GAREM2: variants seen among roughly 807,000 people sequenced by gnomAD.
GAREM2 encodes GRB2 associated regulator of MAPK1 subtype 2.
GAREM2 carries 30 observed loss-of-function variants against 55.6 expected under a neutral mutation model. The ratio of observed to expected loss-of-function variants is 0.54; its 90% CI spans 0.40 to 0.73. The LOEUF is 0.73. Among genes scored for constraint, GAREM2 ranks in the 30% least tolerant of loss-of-function variants. The probability of loss-of-function intolerance (pLI) is 0.00; values close to 1 mark genes in which losing one functional copy is unlikely to be tolerated. For synonymous variants in GAREM2, 550 were observed against 569.1 expected (o/e 0.97, Z 0.48); for missense variants, 1,075 against 1,257.7 (o/e 0.85, Z 2.20).
chr2:26,195,271 C>T, the GAREM2 span: 44 of 1,578,922 alleles, frequency 2.8e-5, no homozygotes, highest in South Asian at 2.4e-4. Context: ...TCGGAGAATG[C>T]GGGTGAGGAA....
rs373270167 is a variant in GAREM2 at position 26,176,411 on chromosome 2, G to A, written c.180G>A (p.Thr60=). ...LLIHSCRQWT[T]VTAHTLEEGH... is the part of the protein sequence containing the mutation. Reference sequence around the variant, plus strand: ...TCCACTCCTGCCGGCAGTGGACAACGGTGACAGCTCATACCCTGGAGGAGG... The same window carrying A: ...TCCACTCCTGCCGGCAGTGGACAACAGTGACAGCTCATACCCTGGAGGAGG... Residue 60 remains threonine (T), a synonymous_variant, in exon 2 of 6, where the codon ACG becomes ACA. Transcript: ENST00000401533. 21 of 1,550,722 alleles carry A rather than the reference G, an allele frequency of 1.4e-5. No homozygotes were observed. In the African/African-American group the frequency reaches 2.3e-4, roughly 17 times the overall value.
chr2:26,187,572 C>A lies in GAREM2; in HGVS notation c.1940C>A (p.Ser647Tyr), dbSNP rs774844982. ...CCCTCAGGCCCTTCAGCGGCCTTGT[C>A]TTCTGGGCCCAGAACCACCTCGGGT... Reference protein sequence around the residue: ...AYPSGPSAALSSGPRTTSGPV... With the variant: ...AYPSGPSAALYSGPRTTSGPV... Residue 647 changes from serine to tyrosine, a missense_variant, in exon 6 of 6, where the codon TCT becomes TAT. By Grantham distance (144) the Ser-to-Tyr change is moderately radical. Around this residue, in one of 6 missense-constraint regions of GAREM2, gnomAD observed 515 missense variants for 501.5 expected, o/e 1.03. Transcript: ENST00000401533. 1.3e-5 allele frequency: 20 copies of A among 1,546,632 alleles called. No individual in the cohort carries two copies. Among genetic ancestry groups the A allele is most frequent in the African/African-American group, 1.2e-4 (9 of 72,926 alleles).
chr2:26,182,891 A>G, intron 2 of GAREM2, 76 bp from the exon 3 acceptor site: 2 of 1,514,774 alleles, frequency 1.3e-6, no homozygotes, highest in Non-Finnish European at 1.8e-6. Context: ...GCAAGTGACC[A>G]TGAAGGCTCT....
chr2:26,204,160 T>C, the GAREM2 span: 1 of 1,613,714 alleles, frequency 6.2e-7, no homozygotes, highest in Non-Finnish European at 8.5e-7. Context: ...GGGCGATGCC[T>C]GCTCCCATCA....
chr2:26,187,636 A>C lies in GAREM2; in HGVS notation c.2004A>C (p.Pro668=), dbSNP rs1171126460. 6.5e-7 allele frequency: 1 copy of C among 1,547,820 alleles called. No individual in the cohort carries two copies. The highest frequency in any genetic ancestry group is 1.2e-5 in the South Asian group (1 of 83,444). The stretch of plus-strand genomic sequence containing the variant: ...CTGGCCCTGCGTATTCCCCAGGCCC[A>C]GCCTCGCCAGGCCAGGCCTATTCAG... ...ATSGPAYSPG[P]ASPGQAYSAA... The change falls in exon 6 of 6, where the codon CCA becomes CCC. Residue 668 remains proline, a synonymous_variant. Transcript: ENST00000401533.
At chr2:26,193,831 G>T, downstream of GAREM2, 1 of 1,371,614 alleles carries the variant, frequency 7.3e-7, no homozygotes, top group Non-Finnish European at 1.0e-6. Context: ...CCCCCAAAGG[G>T]CTCCCTGTAC....
At chr2:26,183,967 T>G (rs1038593996) in intron 3 of GAREM2, among the ~76,000 whole-genome samples, 3 of 152,262 alleles carry the variant, frequency 2.0e-5, no homozygotes, top group Non-Finnish European at 2.9e-5. Context: ...AATATGTCAC[T>G]GCACAGTCTT....
chr2:26,202,974 G>A, the GAREM2 span, among the ~76,000 whole-genome samples: 1 of 152,200 alleles, frequency 6.6e-6, no homozygotes, highest in Non-Finnish European at 1.5e-5. Context: ...GACGAAAAGG[G>A]GAACCCAGGA....
chr2:26,187,817 G>T lies in GAREM2; in HGVS notation c.2185G>T (p.Gly729Trp). The change falls in exon 6 of 6, where the codon GGG becomes TGG. Residue 729 changes from glycine (G) to tryptophan (W), a missense_variant. By Grantham distance (184) the Gly-to-Trp change is radical. This residue lies in a region of GAREM2 where 15 missense variants were observed against 31.0 expected (regional missense o/e 0.48). Coordinates refer to ENST00000401533, the MANE Select transcript of GAREM2 (RefSeq NM_001168241.2). ...SQEPRAVGTPGPGPRLSPLGP... is the reference protein window; with the variant it reads ...SQEPRAVGTPWPGPRLSPLGP... ...GGAGCCCAGAGCAGTGGGGACACCT[G>T]GGCCTGGACCCCGCCTTTCACCACT... is the stretch of plus-strand genomic sequence containing the variant. 2.1e-6 allele frequency: 3 copies of T among 1,440,586 alleles called. No individual in the cohort carries two copies. Among genetic ancestry groups the T allele is most frequent in the Non-Finnish European group, 2.7e-6 (3 of 1,092,012 alleles). 89.2% of individuals were successfully genotyped at this position (1,440,586 alleles called of 1,614,324 possible).
At chr2:26,190,889 T>C (rs1669473536), downstream of GAREM2, 2 of 362,492 alleles carry the variant, frequency 5.5e-6, no homozygotes, top group South Asian at 3.1e-5. Flanking sequence ...GAGTTTGGTT[T>C]TTATTGTTAT....
the GAREM2 span, chr2:26,201,237 T>C: frequency 3.7e-6 from 6 of 1,612,654 alleles, no homozygotes; most frequent in Non-Finnish European, 5.1e-6. Context: ...AAAACCTTGG[T>C]AATCAAGCTG....
In GAREM2 at chr2:26,184,611, C is replaced by A. The variant is rs1669161593; in HGVS notation, c.763C>A (p.Arg255Ser). Residue 255 changes from arginine (R) to serine (S), a missense_variant, in exon 4 of 6, where the codon CGC (arginine) becomes AGC (serine). Physicochemically the swap from Arg to Ser is moderately radical, Grantham distance 110. Transcript: ENST00000401533. ...LQMQEGEHTV[R>S]AIIERVRLPV... is the part of the protein sequence containing the mutation. ...GATGCAAGAGGGCGAGCACACGGTG[C>A]GCGCCATCATCGAGCGCGTGAGGCT... The A allele has an allele frequency of 6.5e-7, 1 of 1,548,392 alleles. No individual in the cohort carries two copies. Among genetic ancestry groups the A allele is most frequent in the Non-Finnish European group, 8.7e-7 (1 of 1,146,144 alleles).
intron 3 of GAREM2, 67 bp from the exon 4 acceptor site, chr2:26,184,166 T>A (rs1669141320): frequency 6.5e-7 from 1 of 1,532,932 alleles, no homozygotes; most frequent in African/African-American, 1.4e-5. Flanking sequence ...TTCCAGTCTC[T>A]GGGAGCTGGC....
chr2:26,193,669 T>G, downstream of GAREM2: 2 of 1,613,986 alleles, frequency 1.2e-6, no homozygotes, highest in East Asian at 2.2e-5. Flanking sequence ...TTCCGCCACA[T>G]GTTTCGCTAC....
chr2:26,181,635 C>T (rs1023092659), intron 2 of GAREM2: 7 of 152,136 alleles, frequency 4.6e-5, no homozygotes, highest in African/African-American at 1.7e-4. Flanking sequence ...AATATCTGTG[C>T]AATAATTAAA....
rs919490271 is a variant in GAREM2 at position 26,187,451 on chromosome 2, A to G, written c.1819A>G (p.Thr607Ala). 10 of 1,548,190 alleles carry G rather than the reference A, an allele frequency of 6.5e-6. No individual in the cohort carries two copies. Among genetic ancestry groups the G allele is most frequent in the Non-Finnish European group, 8.7e-6 (10 of 1,145,498 alleles). ...TCTGGGGGCTGACACCCCTGTTAAG[A>G]CCTACCACAGCTGCCCTCCTCTATT... The part of the protein sequence containing the change: ...SLLGADTPVK[T>A]YHSCPPLFKP... The change falls in exon 6 of 6, where the codon ACC (threonine) becomes GCC (alanine). Residue 607 changes from threonine to alanine, a missense_variant. Physicochemically the swap from Thr to Ala is moderately conservative, Grantham distance 58. Around this residue, in one of 6 missense-constraint regions of GAREM2, gnomAD observed 515 missense variants for 501.5 expected, o/e 1.03. Coordinates refer to ENST00000401533, the MANE Select transcript of GAREM2 (RefSeq NM_001168241.2).
At chr2:26,197,146 T>C in the GAREM2 span, among the ~76,000 whole-genome samples, 6 of 152,364 alleles carry the variant, frequency 3.9e-5, no homozygotes, top group African/African-American at 1.4e-4. Flanking sequence ...GTTTTACTTC[T>C]CTTTGAATGA....
chr2:26,185,690 T>C (rs1451786321), intron 4 of GAREM2, among the ~76,000 whole-genome samples: 1 of 152,154 alleles, frequency 6.6e-6, no homozygotes, highest in Non-Finnish European at 1.5e-5. Context: ...GATTAAAGGC[T>C]CTGAGAAGTC....
At chr2:26,193,709 C>T (rs753722938), downstream of GAREM2, 22 of 1,613,800 alleles carry the variant, frequency 1.4e-5, no homozygotes, top group African/African-American at 1.2e-4. Context: ...ACCAGTGTGG[C>T]GGCACCCACA....
Sources: gnomAD v4.1 joint callset for allele counts (sites outside exome capture counted in the v4.1 genomes callset) on GRCh38, gnomAD v4.1.1 for gene constraint, gnomAD v4.1.1 regional missense constraint, MANE v1.5 for transcripts, NCBI Gene and HGNC (gene_info 2026-07-23, HGNC 2026-07-21) for gene names.